BRD10: variants seen among roughly 807,000 people sequenced by gnomAD.
BRD10 encodes the protein uncharacterized bromodomain-containing protein 10.
the BRD10 span, among the ~76,000 whole-genome samples, chr9:5,994,895 A>ATTTTTTTTTTT: frequency 6.9e-6 from 1 of 144,488 alleles, no homozygotes; most frequent in African/African-American, 2.6e-5. Flanking sequence ...AAATGCTATC[A>ATTTTTTTTTTT]TTTTTCTTTT....
At chr9:6,007,154 GTGTCAGTC>G in the BRD10 span, 1 of 1,579,026 alleles carries the variant, frequency 6.3e-7, no homozygotes. Context: ...GTGTGTGTTT[GTGTCAGTC>G]TGTCAGTCCC....
At chr9:5,953,018 T>A in the BRD10 span, among the ~76,000 whole-genome samples, 1 of 152,184 alleles carries the variant, frequency 6.6e-6, no homozygotes, top group Non-Finnish European at 1.5e-5. Context: ...CTATTTTCTT[T>A]AACTGTTGAT....
At chr9:5,914,410 GTTTTTTTTTT>G in the BRD10 span, among the ~76,000 whole-genome samples, 15 of 75,490 alleles carry the variant, frequency 2.0e-4, no homozygotes, top group Admixed American at 1.6e-3. Flanking sequence ...AATCCAGATG[GTTTTTTTTTT>G]TTTTTTTTTT....
chr9:5,956,726 T>C, the BRD10 span, among the ~76,000 whole-genome samples: 1 of 152,182 alleles, frequency 6.6e-6, no homozygotes, highest in East Asian at 1.9e-4. Flanking sequence ...CAGTTCTTCT[T>C]ATGCATGTCC....
At chr9:5,964,983 C>T in the BRD10 span, among the ~76,000 whole-genome samples, 1 of 146,590 alleles carries the variant, frequency 6.8e-6, no homozygotes, top group African/African-American at 2.5e-5. Context: ...GTGCAGCGCA[C>T]CAGCATGGCA....
the BRD10 span, among the ~76,000 whole-genome samples, chr9:5,887,363 G>A: frequency 6.6e-6 from 1 of 152,318 alleles, no homozygotes; most frequent in Admixed American, 6.5e-5. Flanking sequence ...TCCTCTGGGG[G>A]AGGGGATGAT....
At chr9:5,921,462 G>A in the BRD10 span, 7 of 1,613,848 alleles carry the variant, frequency 4.3e-6, no homozygotes, top group Non-Finnish European at 5.9e-6. Context: ...CTAGGAACTG[G>A]GGCATTAATA....
the BRD10 span, chr9:5,897,539 G>A: frequency 6.2e-7 from 1 of 1,607,072 alleles, no homozygotes; most frequent in African/African-American, 1.3e-5. Context: ...AAGTGGATTT[G>A]TCTATCTCTT....
chr9:5,968,093 T>C, the BRD10 span: 1 of 1,566,350 alleles, frequency 6.4e-7, no homozygotes, highest in Non-Finnish European at 8.7e-7. Context: ...TTTGTAAGAC[T>C]TGAATGCAAG....
chr9:5,978,197 T>C, the BRD10 span, among the ~76,000 whole-genome samples: 1 of 152,144 alleles, frequency 6.6e-6, no homozygotes, highest in Non-Finnish European at 1.5e-5. Flanking sequence ...GAAATACTAA[T>C]AGAAGCTGTG....
chr9:5,921,521 A>T, the BRD10 span: 1 of 1,613,912 alleles, frequency 6.2e-7, no homozygotes, highest in Non-Finnish European at 8.5e-7. Context: ...CGCAGGTGTC[A>T]TATTAATTGC....
the BRD10 span, among the ~76,000 whole-genome samples, chr9:5,953,721 A>G: frequency 6.6e-6 from 1 of 151,650 alleles, no homozygotes; most frequent in Non-Finnish European, 1.5e-5. Flanking sequence ...CATATACTAT[A>G]TAGTATATAT....
the BRD10 span, among the ~76,000 whole-genome samples, chr9:5,950,894 T>C: frequency 6.6e-6 from 1 of 152,148 alleles, no homozygotes; most frequent in South Asian, 2.1e-4. Context: ...GTGATATAAA[T>C]TGTTGTTATA....
chr9:5,921,051 C>G, the BRD10 span: 2 of 1,613,940 alleles, frequency 1.2e-6, no homozygotes. Flanking sequence ...ACATTTACTG[C>G]TCTTGCTGAA....
chr9:5,891,556 A>C, the BRD10 span, among the ~76,000 whole-genome samples: 3 of 152,154 alleles, frequency 2.0e-5, no homozygotes, highest in East Asian at 5.8e-4. Flanking sequence ...TTCTATGGGG[A>C]TCACACCTTT....
the BRD10 span, among the ~76,000 whole-genome samples, chr9:5,971,136 G>C: frequency 4.4e-4 from 63 of 143,004 alleles, no homozygotes; most frequent in African/African-American, 1.6e-3. Flanking sequence ...ACAACAAAAT[G>C]AACAACAAAA....
the BRD10 span, among the ~76,000 whole-genome samples, chr9:5,981,886 CAG>C: frequency 2.6e-5 from 4 of 151,986 alleles, no homozygotes; most frequent in South Asian, 4.1e-4. Context: ...TAAATGGAAA[CAG>C]AAAGTTGTTA....
chr9:5,976,240 AT>A, the BRD10 span, among the ~76,000 whole-genome samples: 1 of 152,216 alleles, frequency 6.6e-6, no homozygotes, highest in African/African-American at 2.4e-5. Flanking sequence ...CTAAAAAAAA[AT>A]CAAATGATTT....
the BRD10 span, among the ~76,000 whole-genome samples, chr9:5,951,853 T>C: frequency 2.0e-5 from 3 of 152,158 alleles, no homozygotes. Flanking sequence ...CAAGTTTCTT[T>C]ATGAGTAATG....
Sources: allele counts gnomAD v4.1 joint callset (sites outside exome capture counted in the v4.1 genomes callset), GRCh38; gene constraint gnomAD v4.1.1; transcripts MANE v1.5; gene names NCBI Gene and HGNC (gene_info 2026-07-23, HGNC 2026-07-21).